PID1: variants seen among roughly 807,000 people sequenced by gnomAD.
PID1 encodes PTB-containing, cubilin and LRP1-interacting protein.
In PID1, 10 loss-of-function variants were observed where a neutral mutation model predicts 19.1. The observed-to-expected ratio is 0.52, with a 90% CI of 0.32 to 0.89. The LOEUF is 0.89. PID1 is among the 40% of genes least tolerant of loss of function. The pLI is 0.03. For synonymous variants in PID1, 130 were observed against 116.0 expected, an observed-to-expected ratio of 1.12 and a Z score of -0.78; for missense variants, 248 against 285.3, an observed-to-expected ratio of 0.87 and a Z score of 0.94.
intron 1 of PID1, among the ~76,000 whole-genome samples, chr2:229,217,047 C>T (rs180864241): frequency 4.9e-4 from 75 of 152,274 alleles, no homozygotes; most frequent in African/African-American, 1.6e-3. Context: ...ACAACCATGG[C>T]CCAGAGGTCC....
Position 229,232,784 on chromosome 2 carries a change from CATAAATATAT to C in PID1, c.30+38220_30+38229del, listed in dbSNP as rs1357447662. Among the ~76,000 whole-genome samples, 13 of 75,352 alleles carry C rather than the reference CATAAATATAT, an allele frequency of 1.7e-4. No individual in the cohort carries two copies. The Admixed American group carries it at 2.2e-3, about 13-fold the overall frequency. The allele number at this position is 75,352 out of a possible 152,430, so 49.4% of individuals were successfully genotyped here. On this transcript the variant is annotated intron_variant, in intron 1 of 2. Coordinates refer to ENST00000392055, the MANE Select transcript of PID1 (RefSeq NM_001100818.2). ...AAATGAATATATATACACACACACA[CATAAATATAT>C]ATATATATATATATATATATATATA... is the stretch of plus-strand genomic sequence containing the variant.
rs146759672 is a variant in PID1 at position 229,138,765 on chromosome 2, G to A, written c.177+17053C>T. Among the ~76,000 whole-genome samples, 113 of 151,624 alleles carry A rather than the reference G, an allele frequency of 7.5e-4. 1 individual carries two copies. The highest frequency in any genetic ancestry group is 2.6e-3 in the African/African-American group (107 of 41,326). ...GCTAGTGTATTTCACTTCCTGGACC[G>A]AAATGATTTGTTTGGGGCTAGACAA... On this transcript the variant is annotated intron_variant, in intron 2 of 2. Transcript: ENST00000392055.
At chr2:229,130,298 C>T (rs555634292) in intron 2 of PID1, among the ~76,000 whole-genome samples, 23 of 152,294 alleles carry the variant, frequency 1.5e-4, no homozygotes, top group African/African-American at 5.5e-4. Flanking sequence ...GCAGAACTTT[C>T]ACTGCAGAAC....
intron 2 of PID1, among the ~76,000 whole-genome samples, chr2:229,143,315 G>C (rs6711256): frequency 6.6e-6 from 1 of 150,670 alleles, no homozygotes; most frequent in South Asian, 2.1e-4. Context: ...CCTGCACATT[G>C]TGCACATGTA....
chr2:229,141,851 T>C (rs1690018921), intron 2 of PID1, among the ~76,000 whole-genome samples: 1 of 150,852 alleles, frequency 6.6e-6, no homozygotes, highest in South Asian at 2.1e-4. Context: ...AGCCCAGACA[T>C]CATTTCTCTT....
At chr2:229,144,568 AT>A (rs1450910133) in intron 2 of PID1, among the ~76,000 whole-genome samples, 2 of 152,178 alleles carry the variant, frequency 1.3e-5, no homozygotes, top group East Asian at 3.8e-4. Flanking sequence ...TCACACAGAT[AT>A]TGAGTTCACT....
At chr2:229,225,704 C>A (rs1053752776) in intron 1 of PID1, among the ~76,000 whole-genome samples, 1 of 152,128 alleles carries the variant, frequency 6.6e-6, no homozygotes, top group African/African-American at 2.4e-5. Flanking sequence ...TTTAGCATGT[C>A]TGGGGAGGCC....
intron 2 of PID1, among the ~76,000 whole-genome samples, chr2:229,040,575 A>G (rs1363612867): frequency 6.6e-6 from 1 of 152,158 alleles, no homozygotes; most frequent in Non-Finnish European, 1.5e-5. Flanking sequence ...AGAATCATGG[A>G]TACAAAAATT....
chr2:229,105,963 C>T (rs1335560075), intron 2 of PID1, among the ~76,000 whole-genome samples: 2 of 151,510 alleles, frequency 1.3e-5, no homozygotes, highest in African/African-American at 4.9e-5. Flanking sequence ...CCTGTAGTCC[C>T]AGCTACTTGG....
chr2:229,064,310 T>A (rs1694275669), intron 2 of PID1, among the ~76,000 whole-genome samples: 1 of 152,044 alleles, frequency 6.6e-6, no homozygotes, highest in Non-Finnish European at 1.5e-5. Flanking sequence ...ATTGAGCTGG[T>A]TCATGATTGA....
rs3083804 is a variant in PID1 at position 229,031,215 on chromosome 2, CA to C, written c.178-5108del. ...TGGGCAGCATAACGAGACTCTGTCT[CA>C]AAAAAAAAAAAAAAAAAGAAATATT... On this transcript the variant is annotated intron_variant, in intron 2 of 2. Transcript: ENST00000392055. Among the ~76,000 whole-genome samples the C allele has an allele frequency of 6.8e-3, 468 of 68,414 alleles. 7 individuals are homozygous for C. The highest frequency in any genetic ancestry group is 0.013 in the East Asian group (31 of 2,348). The allele number at this position is 68,414 out of a possible 152,430, so 44.9% of individuals were successfully genotyped here.
chr2:229,071,695 G>C (rs1473934250), intron 2 of PID1, among the ~76,000 whole-genome samples: 1 of 152,134 alleles, frequency 6.6e-6, no homozygotes, highest in Non-Finnish European at 1.5e-5. Flanking sequence ...AAATAATATA[G>C]TTAGAAGGGA....
At chr2:229,138,821 T>TCAGTGC (rs1689911119) in intron 2 of PID1, among the ~76,000 whole-genome samples, 1 of 149,950 alleles carries the variant, frequency 6.7e-6, no homozygotes, top group Non-Finnish European at 1.5e-5. Flanking sequence ...CAAAGAACCA[T>TCAGTGC]CAGTGCTTTT....
chr2:229,045,253 C>T (rs554472759), intron 2 of PID1, among the ~76,000 whole-genome samples: 1 of 152,182 alleles, frequency 6.6e-6, no homozygotes, highest in Non-Finnish European at 1.5e-5. Flanking sequence ...CTGTGCCCAG[C>T]GATTCAGGCT....
intron 2 of PID1, among the ~76,000 whole-genome samples, chr2:229,059,564 C>T (rs1268071533): frequency 6.6e-6 from 1 of 152,116 alleles, no homozygotes; most frequent in Non-Finnish European, 1.5e-5. Context: ...TGGCTTGAAC[C>T]CAAAATTTTC....
intron 1 of PID1, among the ~76,000 whole-genome samples, chr2:229,161,827 C>T (rs984393970): frequency 6.6e-5 from 10 of 152,190 alleles, no homozygotes; most frequent in African/African-American, 1.4e-4. Context: ...ATATGCCATA[C>T]CCAGTTCTGT....
At chr2:229,228,740 T>G (rs1692138092) in intron 1 of PID1, among the ~76,000 whole-genome samples, 1 of 134,286 alleles carries the variant, frequency 7.4e-6, no homozygotes, top group African/African-American at 2.8e-5. Context: ...AAAAGGTATC[T>G]GCTAAAACCA....
intron 1 of PID1, among the ~76,000 whole-genome samples, chr2:229,251,938 A>G (rs1690161632): frequency 9.2e-6 from 1 of 109,174 alleles, no homozygotes; most frequent in Non-Finnish European, 1.9e-5. Context: ...CCTCTTAACC[A>G]TAAGCTAAAA....
At chr2:229,223,514 C>T (rs540905753) in intron 1 of PID1, among the ~76,000 whole-genome samples, 1 of 152,258 alleles carries the variant, frequency 6.6e-6, no homozygotes, top group African/African-American at 2.4e-5. Context: ...CACTATTCAC[C>T]TTATGGAAAT....
Sources: gnomAD v4.1 joint callset for allele counts (sites outside exome capture counted in the v4.1 genomes callset) on GRCh38, gnomAD v4.1.1 for gene constraint, MANE v1.5 for transcripts, NCBI Gene and HGNC (gene_info 2026-07-23, HGNC 2026-07-21) for gene names.